The following MRS2 variants were observed in gnomAD, a reference collection of about 807,000 sequenced individuals.
MRS2 encodes magnesium transporter MRS2 homolog, mitochondrial.
MRS2 carries 40 observed loss-of-function variants against 52.6 expected under a neutral mutation model. The ratio of observed to expected loss-of-function variants is 0.76; its 90% CI spans 0.59 to 0.99. The LOEUF (loss-of-function observed/expected upper bound fraction) is 0.99, where lower values mean the gene tolerates loss of function less well. MRS2 is among the 50% of genes least tolerant of loss of function. MRS2 has a pLI of 0.00. For missense variants in MRS2, 472 were observed against 532.7 expected, an observed-to-expected ratio of 0.89 and a Z score of 1.12; for synonymous variants, 193 against 195.9, an observed-to-expected ratio of 0.98 and a Z score of 0.13.
At chr6:24,405,923 G>C (rs1348426037) in intron 2 of MRS2, among the ~76,000 whole-genome samples, 1 of 151,746 alleles carries the variant, frequency 6.6e-6, no homozygotes, top group Non-Finnish European at 1.5e-5. Context: ...GGCTAACACA[G>C]TGAAACCCCA....
At chr6:24,417,153 T>A (rs1209214187) in intron 7 of MRS2, among the ~76,000 whole-genome samples, 1 of 152,132 alleles carries the variant, frequency 6.6e-6, no homozygotes, top group Non-Finnish European at 1.5e-5. Flanking sequence ...AATAATAAGA[T>A]AAAGGGGGCT....
intron 5 of MRS2, among the ~76,000 whole-genome samples, chr6:24,414,303 C>A (rs986345566): frequency 6.6e-6 from 1 of 150,806 alleles, no homozygotes; most frequent in Admixed American, 6.6e-5. Flanking sequence ...TGCCGCCTTC[C>A]GCAGTGTTTG....
At chr6:24,412,132 TATATGTATGTATAC>T (rs1420653894) in intron 4 of MRS2, 76 bp from the exon 5 acceptor site, 5 of 636,944 alleles carry the variant, frequency 7.8e-6, no homozygotes, top group Non-Finnish European at 1.2e-5. Flanking sequence ...TTTGCATATA[TATATGTATGTATAC>T]ATATATATGT....
intron 2 of MRS2, 112 bp downstream of exon 2, chr6:24,405,353 A>T (rs975885411): frequency 1.3e-6 from 1 of 769,874 alleles, no homozygotes; most frequent in African/African-American, 1.7e-5. Context: ...TAATCATCAT[A>T]GCTACATGTC....
rs1191873228 is a variant in MRS2 at position 24,423,869 on chromosome 6, TAAAGAAAC to T, written c.*180_*187del. 2 of 376,320 alleles carry T rather than the reference TAAAGAAAC, an allele frequency of 5.3e-6. No individual in the cohort carries two copies. The highest frequency in any genetic ancestry group is 4.1e-5 in the African/African-American group (2 of 48,706). The allele number at this position is 376,320 out of a possible 1,614,324, so 23.3% of individuals were successfully genotyped here. ...GGATTGCATTTCCAGAATTCTGAGT[TAAAGAAAC>T]AAAGTATTTGCTTTGTAAAAGGCCA... On this transcript the variant is annotated 3_prime_UTR_variant, in exon 11 of 11. Transcript: ENST00000378386.
chr6:24,412,521 G>A lies in MRS2; in HGVS notation c.588+126G>A, dbSNP rs72833061. ...ACCACATCCTGCCCCGAAACAAGTC[G>A]TCTCTAAGGATCCTACATGGAGATA... is the stretch of plus-strand genomic sequence containing the variant. On this transcript the variant is annotated intron_variant, in intron 5 of 10. Coordinates refer to ENST00000378386, the MANE Select transcript of MRS2 (RefSeq NM_020662.4). 8.9e-3 allele frequency: 5,517 copies of A among 619,916 alleles called. 47 individuals are homozygous for A. Among genetic ancestry groups the A allele is most frequent in the Non-Finnish European group, 0.012 (4,510 of 378,826 alleles). 38.4% of individuals were successfully genotyped at this position (619,916 alleles called of 1,614,324 possible). A position where few individuals can be genotyped will look rare whatever the true frequency, so the allele number is the denominator to read the frequency against.
intron 1 of MRS2, among the ~76,000 whole-genome samples, chr6:24,403,513 G>A (rs1055622871): frequency 5.9e-5 from 9 of 152,238 alleles, no homozygotes; most frequent in African/African-American, 1.7e-4. Context: ...GTAACCATAG[G>A]AACAACCTAG....
intron 9 of MRS2, among the ~76,000 whole-genome samples, chr6:24,421,540 G>A (rs2127297645): frequency 6.6e-6 from 1 of 152,286 alleles, no homozygotes. Context: ...AAAGTTCCAA[G>A]AATAGTCAAA....
chr6:24,418,418 G>A, intron 8 of MRS2, 43 bp from the exon 9 acceptor site: 3 of 1,612,102 alleles, frequency 1.9e-6, no homozygotes, highest in Non-Finnish European at 2.5e-6. Flanking sequence ...GCTGTATATA[G>A]TTAGTGGGCC....
intron 7 of MRS2, 57 bp from the exon 8 acceptor site, chr6:24,418,027 C>A: frequency 6.9e-7 from 1 of 1,452,572 alleles, no homozygotes; most frequent in Non-Finnish European, 9.3e-7. Context: ...GTTTTTGTCA[C>A]TAAGTATATG....
intron 1 of MRS2, among the ~76,000 whole-genome samples, chr6:24,404,600 T>C (rs2127279897): frequency 6.6e-6 from 1 of 151,512 alleles, no homozygotes; most frequent in South Asian, 2.1e-4. Context: ...ACGTTTTAAA[T>C]AGACAATTTT....
chr6:24,403,097 TC>T lies in MRS2; in HGVS notation c.55del (p.Arg19GlyfsTer11). On this transcript the variant is annotated frameshift_variant, in exon 1 of 11. Coordinates refer to ENST00000378386, the MANE Select transcript of MRS2 (RefSeq NM_020662.4). LOFTEE classifies it high-confidence loss of function. ...GCCTCCTGCCCCGCGCGATGAGACT[TC>T]CCCGGCGGACGCTGTGTGCCCTGGC... Reference protein sequence around the residue: ...PCLLPRAMRLPRRTLCALALD... With the variant: ...PCLLPRAMRLXRRTLCALALD... 6.2e-7 allele frequency: 1 copy of T among 1,612,408 alleles called. No homozygotes were observed. Among genetic ancestry groups the T allele is most frequent in the Non-Finnish European group, 8.5e-7 (1 of 1,179,794 alleles).
At chr6:24,415,842 T>C (rs1254668460) in intron 6 of MRS2, among the ~76,000 whole-genome samples, 2 of 152,230 alleles carry the variant, frequency 1.3e-5, no homozygotes, top group African/African-American at 4.8e-5. Context: ...TTTGGGTTTT[T>C]TGTGGGTGTT....
intron 5 of MRS2, among the ~76,000 whole-genome samples, chr6:24,413,606 A>T (rs1040763515): frequency 1.3e-5 from 2 of 152,166 alleles, no homozygotes; most frequent in African/African-American, 4.8e-5. Context: ...AGATTAAAAG[A>T]TGTGGTCTGC....
chr6:24,426,099 G>A lies in MRS2; in HGVS notation c.*2405G>A, dbSNP rs1422632561. On this transcript the variant is annotated 3_prime_UTR_variant, in exon 11 of 11. Transcript: ENST00000378386. The stretch of plus-strand genomic sequence containing the variant: ...TTCCTATCTTGAAGCCTTGAGAAAA[G>A]CTGTTACATATACGCAGATAGTAGC... The A allele has an allele frequency of 6.6e-6, 1 of 152,102 alleles. No homozygotes were observed. Among genetic ancestry groups the A allele is most frequent in the African/African-American group, 2.4e-5 (1 of 41,408 alleles). The allele number at this position is 152,102 out of a possible 1,614,324, so 9.4% of individuals were successfully genotyped here.
Position 24,423,813 on chromosome 6 carries a change from A to G in MRS2, c.*119A>G, listed in dbSNP as rs907643391. ...TGAAAAAAACTAATGTTTGAAGACA[A>G]AAATATTTTGGCAGTCACAATACCA... On this transcript the variant is annotated 3_prime_UTR_variant, in exon 11 of 11. Transcript: ENST00000378386. 1 of 452,120 alleles carries G rather than the reference A, an allele frequency of 2.2e-6. No individual in the cohort carries two copies. The highest frequency in any genetic ancestry group is 5.7e-5 in the South Asian group (1 of 17,502). The allele number at this position is 452,120 out of a possible 1,614,324, so 28.0% of individuals were successfully genotyped here.
chr6:24,404,838 T>G (rs1761409543), intron 1 of MRS2, among the ~76,000 whole-genome samples: 1 of 152,210 alleles, frequency 6.6e-6, no homozygotes, highest in Non-Finnish European at 1.5e-5. Context: ...GACCAGACAT[T>G]TTCTTAAATC....
At chr6:24,416,341 G>T in intron 6 of MRS2, 56 bp from the exon 7 acceptor site, 2 of 739,488 alleles carry the variant, frequency 2.7e-6, no homozygotes, top group South Asian at 1.6e-5. Flanking sequence ...ACACTATTAT[G>T]AAATGTTCTT....
chr6:24,423,256 CACTTACTAGCACA>C, intron 10 of MRS2: 1 of 531,742 alleles, frequency 1.9e-6, no homozygotes, highest in Non-Finnish European at 3.3e-6. Context: ...ATGTGTAAAG[CACTTACTAGCACA>C]CTGCCTAACA....
Sources: gnomAD v4.1 joint callset for allele counts (sites outside exome capture counted in the v4.1 genomes callset) on GRCh38, gnomAD v4.1.1 for gene constraint, MANE v1.5 for transcripts, NCBI Gene and HGNC (gene_info 2026-07-23, HGNC 2026-07-21) for gene names.